Variants in VEZT observed in about 807,000 individuals in gnomAD.
The protein encoded by VEZT is vezatin, adherens junctions transmembrane protein.
Under a neutral mutation model 79.9 loss-of-function variants are expected in VEZT, and 39 were observed. The observed-to-expected ratio is 0.49, with a 90% CI of 0.38 to 0.64. VEZT has a LOEUF of 0.64. Among genes scored for constraint, VEZT ranks in the 30% least tolerant of loss-of-function variants. The probability of loss-of-function intolerance (pLI) is 0.00; values close to 1 mark genes in which losing one functional copy is unlikely to be tolerated. For missense variants in VEZT, 837 were observed against 893.1 expected (o/e 0.94, Z 0.80); for synonymous variants, 325 against 327.6 (o/e 0.99, Z 0.09).
intron 1 of VEZT, among the ~76,000 whole-genome samples, chr12:95,236,975 TG>T (rs2060285602): frequency 6.6e-6 from 1 of 152,236 alleles, no homozygotes; most frequent in African/African-American, 2.4e-5. Context: ...AGGAGAATAA[TG>T]CTAGCCTATT....
intron 1 of VEZT, among the ~76,000 whole-genome samples, chr12:95,245,844 G>A (rs1334034116): frequency 1.3e-5 from 2 of 152,144 alleles, no homozygotes; most frequent in African/African-American, 4.8e-5. Context: ...TCTGAGTATG[G>A]TAGCTTGCAC....
intron 5 of VEZT, among the ~76,000 whole-genome samples, chr12:95,269,106 T>C (rs2138700414): frequency 6.6e-6 from 1 of 152,326 alleles, no homozygotes; most frequent in African/African-American, 2.4e-5. Flanking sequence ...GAGTTAGGTG[T>C]GTTGTTTTAT....
At chr12:95,234,995 A>C (rs1342405931) in intron 1 of VEZT, among the ~76,000 whole-genome samples, 3 of 151,908 alleles carry the variant, frequency 2.0e-5, no homozygotes, top group Non-Finnish European at 1.5e-5. Context: ...GATCAACAGG[A>C]TCCCAAGGCA....
At chr12:95,230,425 T>C (rs1474548255) in intron 1 of VEZT, among the ~76,000 whole-genome samples, 1 of 55,248 alleles carries the variant, frequency 1.8e-5, no homozygotes, top group Non-Finnish European at 3.8e-5. Context: ...TTTTCTTTCT[T>C]TTTTTTTTTT....
intron 7 of VEZT, among the ~76,000 whole-genome samples, chr12:95,275,376 T>C (rs975214671): frequency 1.3e-5 from 2 of 152,172 alleles, no homozygotes; most frequent in African/African-American, 2.4e-5. Context: ...GCAGATCACC[T>C]GTCACCTGAG....
chr12:95,234,663 TTTTA>T (rs548122414), intron 1 of VEZT, among the ~76,000 whole-genome samples: 57 of 152,142 alleles, frequency 3.7e-4, no homozygotes, highest in African/African-American at 1.1e-3. Flanking sequence ...TTTTTTTGTT[TTTTA>T]TTTATTTATT....
At chr12:95,234,284 CTTTTTTT>C (rs10587022) in intron 1 of VEZT, among the ~76,000 whole-genome samples, 1 of 122,952 alleles carries the variant, frequency 8.1e-6, no homozygotes, top group Non-Finnish European at 1.7e-5. Flanking sequence ...TATCAATAAT[CTTTTTTT>C]TTTTTTTTTT....
intron 1 of VEZT, among the ~76,000 whole-genome samples, chr12:95,219,848 G>C (rs937649439): frequency 1.3e-5 from 2 of 151,974 alleles, no homozygotes; most frequent in African/African-American, 4.8e-5. Flanking sequence ...ACATTCCATT[G>C]TTTTAATTTA....
chr12:95,235,255 C>T (rs2059888090), intron 1 of VEZT, among the ~76,000 whole-genome samples: 1 of 136,266 alleles, frequency 7.3e-6, no homozygotes, highest in Non-Finnish European at 1.6e-5. Flanking sequence ...CGCCCCTCAC[C>T]TCCCGGACAG....
At chr12:95,234,303 T>C (rs1301562348) in intron 1 of VEZT, among the ~76,000 whole-genome samples, 9 of 118,754 alleles carry the variant, frequency 7.6e-5, no homozygotes, top group Non-Finnish European at 3.7e-5. Flanking sequence ...TTTTTTTTTT[T>C]TGAGACAGAG....
intron 3 of VEZT, chr12:95,262,416 T>C (rs117552215): frequency 0.011 from 1,602 of 152,504 alleles, 10 homozygotes; most frequent in South Asian, 0.017. Context: ...AACTATAAAG[T>C]GCTATGCAAA....
chr12:95,267,039 T>C (rs2065673587), intron 5 of VEZT, among the ~76,000 whole-genome samples: 3 of 152,228 alleles, frequency 2.0e-5, no homozygotes, highest in African/African-American at 7.2e-5. Context: ...TTGAAAACTC[T>C]TGACATGTAC....
Position 95,217,889 on chromosome 12 carries a change from A to G in VEZT, c.36+3A>G. 1 of 1,518,618 alleles carries G rather than the reference A, an allele frequency of 6.6e-7. No individual in the cohort carries two copies. The highest frequency in any genetic ancestry group is 8.8e-7 in the Non-Finnish European group (1 of 1,137,548). The allele number at this position is 1,518,618 out of a possible 1,614,324, so 94.1% of individuals were successfully genotyped here. The stretch of plus-strand genomic sequence containing the variant: ...TTGACGAAGAGGTGGTTTTTGAGGT[A>G]AGAGGAAAATGGCGGTGGGTGTGGA... On this transcript the variant is annotated splice_donor_region_variant and intron_variant, in intron 1 of 11. Transcript: ENST00000436874.
chr12:95,268,292 G>A (rs2065915332), intron 5 of VEZT, among the ~76,000 whole-genome samples: 3 of 152,014 alleles, frequency 2.0e-5, no homozygotes, highest in South Asian at 4.1e-4. Flanking sequence ...TCAGGAGATC[G>A]TAGCTATCCT....
Position 95,282,320 on chromosome 12 carries a change from T to A in VEZT, c.1004T>A (p.Phe335Tyr). The change falls in exon 8 of 12, where the codon TTC becomes TAC. Residue 335 changes from phenylalanine (F) to tyrosine (Y), a missense_variant. Transcript: ENST00000436874. The stretch of plus-strand genomic sequence containing the variant: ...TTTTCTTTTTTCTTTAAGGTTTTGT[T>A]CCAACTCTGGGTGGCACAGAGTTCA... ...GFSLPALKVL[F>Y]QLWVAQSSEF... is the part of the protein sequence containing the mutation. 2 of 1,599,360 alleles carry A rather than the reference T, an allele frequency of 1.3e-6. No individual in the cohort carries two copies. Among genetic ancestry groups the A allele is most frequent in the Non-Finnish European group, 1.7e-6 (2 of 1,175,190 alleles).
At chr12:95,232,027 G>A (rs1341065382) in intron 1 of VEZT, among the ~76,000 whole-genome samples, 1 of 152,128 alleles carries the variant, frequency 6.6e-6, no homozygotes, top group Non-Finnish European at 1.5e-5. Flanking sequence ...ATACTCTGCA[G>A]CTAGCCTGGA....
intron 6 of VEZT, among the ~76,000 whole-genome samples, chr12:95,273,419 G>A (rs2067031440): frequency 6.6e-6 from 1 of 152,156 alleles, no homozygotes; most frequent in South Asian, 2.1e-4. Context: ...ATGTATGTAT[G>A]CATAAACAAT....
chr12:95,254,895 T>C (rs1279828895), intron 2 of VEZT, among the ~76,000 whole-genome samples: 2 of 152,190 alleles, frequency 1.3e-5, no homozygotes, highest in Non-Finnish European at 2.9e-5. Flanking sequence ...TGCCCTGATA[T>C]TCTTACTATG....
intron 1 of VEZT, among the ~76,000 whole-genome samples, chr12:95,245,978 C>A (rs2061660302): frequency 6.6e-6 from 1 of 152,142 alleles, no homozygotes; most frequent in African/African-American, 2.4e-5. Flanking sequence ...GACCCTGTCT[C>A]AAATAAAAGC....
Sources: allele counts gnomAD v4.1 joint callset (sites outside exome capture counted in the v4.1 genomes callset), GRCh38; gene constraint gnomAD v4.1.1; transcripts MANE v1.5; gene names NCBI Gene and HGNC (gene_info 2026-07-23, HGNC 2026-07-21).